EYA4: variants seen among roughly 807,000 people sequenced by gnomAD.
EYA4 encodes protein phosphatase EYA4.
In EYA4, 31 loss-of-function variants were observed where a neutral mutation model predicts 87.9. The ratio of observed to expected loss-of-function variants is 0.35; its 90% CI spans 0.27 to 0.48. The LOEUF is 0.48. Among genes scored for constraint, EYA4 ranks in the 20% least tolerant of loss-of-function variants. The pLI is 0.99. For synonymous variants in EYA4, 263 were observed against 270.6 expected (o/e 0.97, Z 0.28); for missense variants, 678 against 761.4 (o/e 0.89, Z 1.29).
chr6:133,315,723 T>C (rs1166122266), intron 2 of EYA4, among the ~76,000 whole-genome samples: 1 of 152,150 alleles, frequency 6.6e-6, no homozygotes, highest in Admixed American at 6.5e-5. Flanking sequence ...TGGAAGTGAA[T>C]GATGGTGAGA....
At chr6:133,468,448 C>T (rs188638017) in intron 10 of EYA4, 118 bp from the exon 11 acceptor site, 1 of 848,030 alleles carries the variant, frequency 1.2e-6, no homozygotes, top group African/African-American at 1.7e-5. Context: ...AAGCTGTGGA[C>T]TCAGAAACAA....
At position 133,530,276 on chromosome 6, in the gene EYA4, T is replaced by C; in HGVS notation, c.*1471T>C. 10 of 985,422 alleles carry C rather than the reference T, an allele frequency of 1.0e-5. No individual in the cohort carries two copies. The highest frequency in any genetic ancestry group is 1.2e-5 in the Non-Finnish European group (10 of 829,914). The allele number at this position is 985,422 out of a possible 1,614,324, so 61.0% of individuals were successfully genotyped here. ...TATGTTTGTTAGTTTCTGCCTGTAT[T>C]GTCACTGCGCAACGGATGGCATTCA... On this transcript the variant is annotated 3_prime_UTR_variant, in exon 20 of 20. Transcript: ENST00000355286.
intron 3 of EYA4, 107 bp downstream of exon 3, chr6:133,382,548 T>C: frequency 1.2e-6 from 1 of 829,366 alleles, no homozygotes; most frequent in Admixed American, 1.7e-5. Context: ...ATTGAGCTTC[T>C]TGAAGAACTT....
chr6:133,399,371 G>A (rs1423942038), intron 3 of EYA4, among the ~76,000 whole-genome samples: 1 of 152,032 alleles, frequency 6.6e-6, no homozygotes, highest in Admixed American at 6.6e-5. Flanking sequence ...ATGAGAAACT[G>A]ATACACAGTA....
chr6:133,497,658 A>C (rs773049346), intron 13 of EYA4, among the ~76,000 whole-genome samples: 1 of 152,182 alleles, frequency 6.6e-6, no homozygotes, highest in South Asian at 2.1e-4. Context: ...GTTTATTTCT[A>C]TTCCCTGATT....
chr6:133,362,160 G>C (rs545856889), intron 2 of EYA4, among the ~76,000 whole-genome samples: 2 of 152,258 alleles, frequency 1.3e-5, no homozygotes, highest in South Asian at 2.1e-4. Context: ...TCTTTTAGTT[G>C]CACCATTTTA....
rs868509607 is a variant in EYA4, at chr6:133,424,978, C to T, written c.84-21652C>T. On this transcript the variant is annotated intron_variant, in intron 3 of 19. Transcript: ENST00000355286. ...CTTCCTCCCTCCAATCTCTTGGCAA[C>T]CATGGATCTTCCTTGATAGTTGCTT... Among the ~76,000 whole-genome samples, 92 of 150,738 alleles carry T rather than the reference C, an allele frequency of 6.1e-4. 6 individuals carry two copies. The highest frequency in any genetic ancestry group is 2.3e-3 in the African/African-American group (91 of 40,236).
intron 5 of EYA4, among the ~76,000 whole-genome samples, chr6:133,455,792 G>T (rs1031033604): frequency 1.2e-4 from 19 of 152,072 alleles, no homozygotes; most frequent in Non-Finnish European, 2.5e-4. Context: ...GTGACCAAAT[G>T]GGTAAAACTT....
chr6:133,381,585 C>T (rs544282550), intron 2 of EYA4, among the ~76,000 whole-genome samples: 3 of 151,974 alleles, frequency 2.0e-5, no homozygotes, highest in Non-Finnish European at 2.9e-5. Flanking sequence ...ATATGAACAC[C>T]CAGAAATAGT....
intron 3 of EYA4, among the ~76,000 whole-genome samples, chr6:133,400,734 T>C (rs536252497): frequency 3.8e-4 from 58 of 152,208 alleles, no homozygotes; most frequent in African/African-American, 1.3e-3. Context: ...TTAAATACCT[T>C]GGAGATATCT....
chr6:133,505,670 T>G (rs1336470233), intron 13 of EYA4, among the ~76,000 whole-genome samples: 1 of 152,178 alleles, frequency 6.6e-6, no homozygotes, highest in Non-Finnish European at 1.5e-5. Flanking sequence ...GTTGACCTAT[T>G]TTTCTCTATC....
At chr6:133,402,887 G>C (rs532608544) in intron 3 of EYA4, among the ~76,000 whole-genome samples, 28 of 152,310 alleles carry the variant, frequency 1.8e-4, no homozygotes, top group African/African-American at 6.7e-4. Flanking sequence ...ATGGCTTATA[G>C]AATTGTTCAT....
intron 2 of EYA4, among the ~76,000 whole-genome samples, chr6:133,329,715 C>G (rs1454772052): frequency 6.6e-6 from 1 of 152,032 alleles, no homozygotes; most frequent in African/African-American, 2.4e-5. Context: ...CTCAAAAGGC[C>G]TCATATTTCC....
At chr6:133,432,384 T>C (rs1791262402) in intron 3 of EYA4, among the ~76,000 whole-genome samples, 1 of 152,184 alleles carries the variant, frequency 6.6e-6, no homozygotes, top group Non-Finnish European at 1.5e-5. Flanking sequence ...AGGGCTGAGC[T>C]CCTGCTGATT....
intron 5 of EYA4, among the ~76,000 whole-genome samples, chr6:133,455,965 T>A (rs1031056253): frequency 2.0e-5 from 3 of 152,110 alleles, no homozygotes; most frequent in Non-Finnish European, 4.4e-5. Context: ...GTAGAAGTCA[T>A]CTCTTTTTCT....
At chr6:133,374,969 C>T (rs1785559230) in intron 2 of EYA4, among the ~76,000 whole-genome samples, 1 of 151,902 alleles carries the variant, frequency 6.6e-6, no homozygotes, top group African/African-American at 2.4e-5. Context: ...CCTTGAAAAG[C>T]CTCTCAAATT....
intron 3 of EYA4, among the ~76,000 whole-genome samples, chr6:133,417,876 A>AG (rs1789873207): frequency 6.6e-6 from 1 of 152,162 alleles, no homozygotes; most frequent in Non-Finnish European, 1.5e-5. Context: ...TTCTTTCCAC[A>AG]GGCGCCCTTT....
chr6:133,428,538 C>T (rs909888863), intron 3 of EYA4, among the ~76,000 whole-genome samples: 1 of 152,144 alleles, frequency 6.6e-6, no homozygotes, highest in East Asian at 1.9e-4. Flanking sequence ...ACTGGAATTC[C>T]AGAGGTAGAC....
intron 2 of EYA4, among the ~76,000 whole-genome samples, chr6:133,375,019 T>C (rs1237326433): frequency 6.6e-6 from 1 of 152,054 alleles, no homozygotes; most frequent in African/African-American, 2.4e-5. Context: ...TTTTTAAAAC[T>C]CTTGGTGACA....
Sources: gnomAD v4.1 joint callset for allele counts (sites outside exome capture counted in the v4.1 genomes callset) on GRCh38, gnomAD v4.1.1 for gene constraint, MANE v1.5 for transcripts, NCBI Gene and HGNC (gene_info 2026-07-23, HGNC 2026-07-21) for gene names.